MRPS15: variants seen among roughly 807,000 people sequenced by gnomAD.
MRPS15 encodes the protein mitochondrial ribosomal protein S15.
Under a neutral mutation model 30.7 loss-of-function variants are expected in MRPS15, and 25 were observed. The observed-to-expected ratio is 0.81, with a 90% CI of 0.59 to 1.14. MRPS15 has a LOEUF of 1.14. MRPS15 is among the 50% of genes most tolerant of loss of function. MRPS15 has a pLI of 0.00. For synonymous variants in MRPS15, 124 were observed against 120.1 expected (o/e 1.03, Z -0.21); for missense variants, 313 against 321.7 (o/e 0.97, Z 0.21).
Position 36,455,888 on chromosome 1 carries a change from C to G in MRPS15, c.674G>C (p.Arg225Thr). The change falls in exon 8 of 8, where the codon AGA becomes ACA. Residue 225 changes from arginine to threonine, a missense_variant. Physicochemically the swap from Arg to Thr is moderately conservative, Grantham distance 71 (BLOSUM62 -1). Coordinates refer to ENST00000373116, the MANE Select transcript of MRPS15 (RefSeq NM_031280.4). ...QETQKLKKRR[R>T]ALKAAAAAQK... ...GGCTGCTGCTGCAGCCTTTAAGGCT[C>G]TTCTTCGCTTCTTCAGCTTTTGAGT... 1 of 1,613,954 alleles carries G rather than the reference C, an allele frequency of 6.2e-7. No individual in the cohort carries two copies. The highest frequency in any genetic ancestry group is 8.5e-7 in the Non-Finnish European group (1 of 1,179,988).
chr1:36,460,716 C>T lies in MRPS15; in HGVS notation c.361G>A (p.Asp121Asn). The T allele has an allele frequency of 6.2e-7, 1 of 1,614,044 alleles. No individual in the cohort carries two copies. The change falls in exon 5 of 8, where the codon GAC becomes AAC. Residue 121 changes from aspartate (D) to asparagine (N), a missense_variant. Asp to Asn is a conservative substitution (Grantham distance 23). Coordinates refer to ENST00000373116, the MANE Select transcript of MRPS15 (RefSeq NM_031280.4). ...CTTCGAGCCTCCAGGGATCTGGTGT[C>T]CTCTGGGTTTGCAACAATCTTCTTC... The part of the protein sequence containing the change: ...FMKKIVANPE[D>N]TRSLEARIIA...
rs2275475 is a variant in MRPS15 at position 36,461,345 on chromosome 1, T to G, written c.252-33A>C. 164,397 of 1,600,750 alleles carry G rather than the reference T, an allele frequency of 0.1. 9,360 individuals are homozygous for G. The highest frequency in any genetic ancestry group is 0.26 in the East Asian group (11,809 of 44,764). On this transcript the variant is annotated intron_variant, in intron 3 of 7. Coordinates refer to ENST00000373116, the MANE Select transcript of MRPS15 (RefSeq NM_031280.4). ...TAAACCACAGCAATGAGACAGACATTGGGGGAGAAGAGAGGAAAGCAATGC... is the reference window on the plus strand; with the variant it reads ...TAAACCACAGCAATGAGACAGACATGGGGGGAGAAGAGAGGAAAGCAATGC...
intron 5 of MRPS15, chr1:36,459,689 TA>T (rs892342984): frequency 6.6e-6 from 1 of 152,500 alleles, no homozygotes; most frequent in African/African-American, 2.4e-5. Context: ...CACCAGACTT[TA>T]ATCCCTGGCA....
At chr1:36,456,028 C>T (rs377259575) in intron 7 of MRPS15, 103 bp from the exon 8 acceptor site, 7 of 1,508,610 alleles carry the variant, frequency 4.6e-6, no homozygotes, top group Middle Eastern at 2.4e-4. Flanking sequence ...GTAACCCCAG[C>T]CTTTCTCCAT....
chr1:36,460,372 G>C (rs1405378181), intron 5 of MRPS15, among the ~76,000 whole-genome samples: 5 of 152,130 alleles, frequency 3.3e-5, no homozygotes, highest in Admixed American at 3.3e-4. Context: ...TCCCCTAGCT[G>C]CCTCTCACAA....
chr1:36,464,202 A>AGCCCGGGTACTAGGACCTGGGTAACT lies in MRPS15; in HGVS notation c.48_73dup (p.Leu25GlnfsTer6). 1 of 1,614,032 alleles carries AGCCCGGGTACTAGGACCTGGGTAACT rather than the reference A, an allele frequency of 6.2e-7. No individual in the cohort carries two copies. The highest frequency in any genetic ancestry group is 1.3e-5 in the African/African-American group (1 of 75,042). ...AAACTTGGCGCTCCCACCGCCCGGCAGCCCGGGTACTAGGACCTGGGTAAC... is the reference window on the plus strand; with the variant it reads ...AAACTTGGCGCTCCCACCGCCCGGCAGCCCGGGTACTAGGACCTGGGTAACTGCCCGGGTACTAGGACCTGGGTAAC... On this transcript the variant is annotated stop_gained and frameshift_variant, in exon 1 of 8. Transcript: ENST00000373116. LOFTEE classifies it high-confidence loss of function.
In MRPS15 at chr1:36,463,838, TGGA is replaced by T. The variant is rs759392307; in HGVS notation, c.140_142del (p.Leu47del). The T allele has an allele frequency of 4.3e-5, 70 of 1,612,728 alleles. No individual in the cohort carries two copies. In the African/African-American group the frequency reaches 6.3e-4, roughly 14 times the overall value. Reference sequence around the variant, plus strand: ...CCGGACGACATATCCGCGCGCGGCCTGGAGGAGGAGACCTACGCAGAAAAGAGA... The same window carrying T: ...CCGGACGACATATCCGCGCGCGGCCTGGAGGAGACCTACGCAGAAAAGAGA... On this transcript the variant is annotated inframe_deletion, in exon 2 of 8. Transcript: ENST00000373116.
Position 36,458,230 on chromosome 1 carries a change from A to C in MRPS15, c.386-249T>G. The C allele has an allele frequency of 2.3e-6, 1 of 442,506 alleles. No homozygotes were observed. The highest frequency in any genetic ancestry group is 3.7e-5 in the South Asian group (1 of 26,682). The allele number at this position is 442,506 out of a possible 1,614,324, so 27.4% of individuals were successfully genotyped here. The stretch of plus-strand genomic sequence containing the variant: ...AGATATCATCCAAAAATCATAGCAA[A>C]TAGCATTCTTTTTTTTGAGACGGAG... On this transcript the variant is annotated intron_variant, in intron 5 of 7. Transcript: ENST00000373116. The surrounding 1 kb of genome is among the most constrained non-coding windows in gnomAD (Gnocchi z 4.5).
At chr1:36,461,405 GA>G in intron 3 of MRPS15, 93 bp from the exon 4 acceptor site, 1 of 1,209,928 alleles carries the variant, frequency 8.3e-7, no homozygotes, top group South Asian at 1.3e-5. Context: ...AAAGATGATT[GA>G]AAAATTCCTT....
intron 2 of MRPS15, among the ~76,000 whole-genome samples, chr1:36,463,110 GC>G (rs1425041044): frequency 6.6e-6 from 1 of 151,808 alleles, no homozygotes; most frequent in Non-Finnish European, 1.5e-5. Context: ...TTACAGGCGC[GC>G]GCTACCACAC....
At position 36,456,234 on chromosome 1, in the gene MRPS15, G is replaced by A. The variant is rs375296349; in HGVS notation, c.589C>T (p.Arg197Ter). Residue 197 changes from arginine (R) to a stop codon, truncating the protein, a stop_gained, in exon 7 of 8, where the codon CGA (arginine) becomes TGA (stop). Transcript: ENST00000373116. LOFTEE classifies it low-confidence loss of function (END_TRUNC). ...IEYTFPPLYY[R>*]RAHRRFVTKK... Reference sequence around the variant, plus strand: ...GTCACGAATCGGCGGTGGGCTCTTCGGTAATACAGAGGGGGGAAGGTGTAC... The same window carrying A: ...GTCACGAATCGGCGGTGGGCTCTTCAGTAATACAGAGGGGGGAAGGTGTAC... The A allele has an allele frequency of 8.1e-6, 13 of 1,613,512 alleles. No homozygotes were observed. Among genetic ancestry groups the A allele is most frequent in the Admixed American group, 5.0e-5 (3 of 59,912 alleles).
At chr1:36,456,915 T>G (rs1054660451) in intron 6 of MRPS15, among the ~76,000 whole-genome samples, 2 of 152,188 alleles carry the variant, frequency 1.3e-5, no homozygotes, top group Non-Finnish European at 2.9e-5. Flanking sequence ...ATTTGTTTAT[T>G]AAAAATAACA....
intron 4 of MRPS15, among the ~76,000 whole-genome samples, 185 bp from the exon 5 acceptor site, chr1:36,460,961 G>A (rs568701215): frequency 6.6e-6 from 1 of 152,212 alleles, no homozygotes; most frequent in African/African-American, 2.4e-5. Flanking sequence ...TGAGCCCAAA[G>A]CCAAAGCCAC....
At chr1:36,463,890 T>TTAAGG (rs1650151866) in intron 1 of MRPS15, 40 bp from the exon 2 acceptor site, 1 of 1,597,086 alleles carries the variant, frequency 6.3e-7, no homozygotes, top group Admixed American at 1.7e-5. Flanking sequence ...TCTCCTTAAA[T>TTAAGG]AGCCCACCCC....
At chr1:36,463,938 C>T in intron 1 of MRPS15, 88 bp from the exon 2 acceptor site, 2 of 1,538,962 alleles carry the variant, frequency 1.3e-6, no homozygotes, top group African/African-American at 1.4e-5. Flanking sequence ...GCCCGTCCGC[C>T]ACGGTCTATG....
In MRPS15 at chr1:36,464,278, T is replaced by C. The variant is rs763517320; in HGVS notation, c.-3A>G. The C allele has an allele frequency of 1.9e-6, 3 of 1,613,026 alleles. No homozygotes were observed. In the South Asian group the frequency reaches 3.3e-5, roughly 18 times the overall value. On this transcript the variant is annotated 5_prime_UTR_variant, in exon 1 of 8. Transcript: ENST00000373116. ...GTCCTCCACGCGACCCTCAGCATGG[T>C]GACCTCTAACCCCCGCGGGGCCCGC...
At position 36,464,331 on chromosome 1, in the gene MRPS15, C is replaced by A; in HGVS notation, c.-56G>T. On this transcript the variant is annotated 5_prime_UTR_variant, in exon 1 of 8. Transcript: ENST00000373116. ...CGCGGCCGCCGTTCGCTTTGCGGCACGGACCGGGTTACATGGGCGCCGCCA... is the reference window on the plus strand; with the variant it reads ...CGCGGCCGCCGTTCGCTTTGCGGCAAGGACCGGGTTACATGGGCGCCGCCA... The A allele has an allele frequency of 6.3e-7, 1 of 1,585,510 alleles. No individual in the cohort carries two copies. The highest frequency in any genetic ancestry group is 8.6e-7 in the Non-Finnish European group (1 of 1,165,110).
chr1:36,463,686 G>C, intron 2 of MRPS15, 120 bp downstream of exon 2: 1 of 1,199,674 alleles, frequency 8.3e-7, no homozygotes, highest in Non-Finnish European at 1.2e-6. Context: ...GGGGTCTTTT[G>C]CTCAGGACCT....
intron 5 of MRPS15, among the ~76,000 whole-genome samples, chr1:36,460,159 C>A (rs1244813165): frequency 6.6e-6 from 1 of 152,178 alleles, no homozygotes; most frequent in East Asian, 1.9e-4. Flanking sequence ...AGGCGCCCGC[C>A]ACCATGCCCG....
Sources: allele counts gnomAD v4.1 joint callset (sites outside exome capture counted in the v4.1 genomes callset), GRCh38; gene constraint gnomAD v4.1.1; non-coding constraint Gnocchi (gnomAD v3.1); transcripts MANE v1.5; gene names NCBI Gene and HGNC (gene_info 2026-07-23, HGNC 2026-07-21).